CSMD1: variants seen among roughly 807,000 people sequenced by gnomAD.
The protein encoded by CSMD1 is CUB and sushi domain-containing protein 1.
Under a neutral mutation model 417.5 loss-of-function variants are expected in CSMD1, and 213 were observed. That is an observed-to-expected ratio of 0.51 (90% CI 0.46 to 0.57). The LOEUF is 0.57. Ranked by LOEUF, CSMD1 falls within the 20% of genes least tolerant of loss-of-function variation. CSMD1 has a pLI of 0.00. For missense variants in CSMD1, 6,923 were observed against 4,529.7 expected, an observed-to-expected ratio of 1.53 and a Z score of -15.17; for synonymous variants, 2,862 against 1,736.8, an observed-to-expected ratio of 1.65 and a Z score of -16.11.
At chr8:3,985,756 ATTTTT>A (rs11288801) in intron 5 of CSMD1, among the ~76,000 whole-genome samples, 3 of 142,372 alleles carry the variant, frequency 2.1e-5, no homozygotes, top group African/African-American at 7.8e-5. Flanking sequence ...TGTTAAAGTG[ATTTTT>A]TTTTTTTTTT....
At chr8:3,227,255 G>A (rs1201880372) in intron 27 of CSMD1, among the ~76,000 whole-genome samples, 1 of 151,974 alleles carries the variant, frequency 6.6e-6, no homozygotes, top group Admixed American at 6.6e-5. Context: ...AAAAAAATTA[G>A]CCGGGCTTGG....
At chr8:4,093,925 G>A (rs1302468145) in intron 3 of CSMD1, among the ~76,000 whole-genome samples, 1 of 151,866 alleles carries the variant, frequency 6.6e-6, no homozygotes, top group Non-Finnish European at 1.5e-5. Flanking sequence ...GCGCCATTAC[G>A]CTCCAACCTG....
intron 25 of CSMD1, among the ~76,000 whole-genome samples, chr8:3,295,929 CTT>C (rs925433005): frequency 6.6e-6 from 1 of 152,064 alleles, no homozygotes; most frequent in African/African-American, 2.4e-5. Context: ...CCTCGAGGAA[CTT>C]TGCATACATC....
chr8:4,986,616 C>G (rs1297408139), intron 1 of CSMD1, among the ~76,000 whole-genome samples: 2 of 151,858 alleles, frequency 1.3e-5, no homozygotes, highest in Non-Finnish European at 2.9e-5. Flanking sequence ...ATAATTCACT[C>G]GAACAGTATT....
At chr8:3,550,870 C>T (rs889175194) in intron 10 of CSMD1, among the ~76,000 whole-genome samples, 3 of 152,188 alleles carry the variant, frequency 2.0e-5, no homozygotes, top group Non-Finnish European at 4.4e-5. Flanking sequence ...TATGCATTCC[C>T]ATGTTGCCAA....
At chr8:4,994,290 A>AG in intron 1 of CSMD1, 42 bp downstream of exon 1, 1 of 1,581,012 alleles carries the variant, frequency 6.3e-7, no homozygotes, top group Non-Finnish European at 8.6e-7. Flanking sequence ...GGGGCCTCCG[A>AG]GGGCTCTACC....
At chr8:4,616,039 C>T (rs1801456667) in intron 2 of CSMD1, among the ~76,000 whole-genome samples, 2 of 152,114 alleles carry the variant, frequency 1.3e-5, no homozygotes, top group South Asian at 2.1e-4. Flanking sequence ...ATGAAATAAA[C>T]TTAGTTCTAC....
rs189985318 is a variant in CSMD1, at chr8:3,988,059, G to A, written c.818+9844C>T. ...TTAATAGATTTGGAAACACTACTGT[G>A]CCTAAAAACATAGGGAAGCTGTTGA... On this transcript the variant is annotated intron_variant, in intron 5 of 69. Coordinates refer to ENST00000635120, the MANE Select transcript of CSMD1 (RefSeq NM_033225.6). Among the ~76,000 whole-genome samples the A allele has an allele frequency of 1.3e-3, 201 of 152,310 alleles. 2 individuals are homozygous for A. The highest frequency in any genetic ancestry group is 4.6e-3 in the African/African-American group (192 of 41,584).
chr8:4,753,469 C>G lies in CSMD1; in HGVS notation c.86-115911G>C, dbSNP rs180757048. 2.0e-5 allele frequency among the ~76,000 whole-genome samples: 3 copies of G among 151,050 alleles called. No individual in the cohort carries two copies. The East Asian group carries it at 5.8e-4, about 29-fold the overall frequency. The stretch of plus-strand genomic sequence containing the variant: ...CACATGCGCACACACTCCTTTGTGT[C>G]TTATGAATTTTCCCCTCCATTCTTC... On this transcript the variant is annotated intron_variant, in intron 1 of 69. Transcript: ENST00000635120.
intron 50 of CSMD1, among the ~76,000 whole-genome samples, chr8:3,036,011 G>C (rs1012034813): frequency 3.9e-5 from 6 of 152,014 alleles, no homozygotes; most frequent in Non-Finnish European, 7.4e-5. Context: ...ACACATTTTT[G>C]TTCTAAAAAC....
At chr8:3,690,294 G>A (rs909419449) in intron 7 of CSMD1, among the ~76,000 whole-genome samples, 4 of 152,152 alleles carry the variant, frequency 2.6e-5, no homozygotes, top group African/African-American at 9.7e-5. Flanking sequence ...CCCAGGAGGT[G>A]GCAGTGACCG....
intron 5 of CSMD1, among the ~76,000 whole-genome samples, chr8:3,831,873 T>G (rs1431617194): frequency 6.6e-6 from 1 of 152,198 alleles, no homozygotes; most frequent in Admixed American, 6.5e-5. Context: ...TCTTTGTGAT[T>G]CAGGTCATAC....
intron 2 of CSMD1, among the ~76,000 whole-genome samples, chr8:4,434,605 C>A (rs1272522928): frequency 6.6e-6 from 1 of 152,150 alleles, no homozygotes; most frequent in Non-Finnish European, 1.5e-5. Context: ...GAAGCTAATC[C>A]AAAATTTCCA....
chr8:3,709,476 C>G (rs1043723064), intron 6 of CSMD1, among the ~76,000 whole-genome samples: 3 of 151,882 alleles, frequency 2.0e-5, no homozygotes, highest in African/African-American at 7.3e-5. Context: ...AGACATTGGG[C>G]CAGAGGAGAT....
intron 26 of CSMD1, among the ~76,000 whole-genome samples, chr8:3,238,081 C>A (rs1007515761): frequency 6.6e-6 from 1 of 151,400 alleles, no homozygotes; most frequent in Non-Finnish European, 1.5e-5. Context: ...GGGCTGAGTC[C>A]GAAAAGAGAG....
chr8:3,358,395 T>C (rs533897128), intron 21 of CSMD1, among the ~76,000 whole-genome samples: 18 of 152,212 alleles, frequency 1.2e-4, no homozygotes, highest in Non-Finnish European at 2.5e-4. Flanking sequence ...GTTGTCCGTA[T>C]AGCTAACTAC....
At chr8:4,077,144 A>C (rs1053073568) in intron 3 of CSMD1, among the ~76,000 whole-genome samples, 60 of 151,712 alleles carry the variant, frequency 4.0e-4, no homozygotes, top group African/African-American at 1.4e-3. Context: ...AAGAAAGTTA[A>C]ATGACGCATC....
chr8:3,818,743 T>C (rs1007500739), intron 5 of CSMD1, among the ~76,000 whole-genome samples: 1 of 152,130 alleles, frequency 6.6e-6, no homozygotes, highest in Non-Finnish European at 1.5e-5. Context: ...TTGATCAAGA[T>C]AGACAGATGG....
intron 5 of CSMD1, among the ~76,000 whole-genome samples, chr8:3,830,032 A>C (rs1396515780): frequency 1.3e-5 from 2 of 152,032 alleles, no homozygotes; most frequent in Non-Finnish European, 1.5e-5. Context: ...TTCAGGTCTA[A>C]CTCTTCTAAT....
Sources: gnomAD v4.1 joint callset for allele counts (sites outside exome capture counted in the v4.1 genomes callset) on GRCh38, gnomAD v4.1.1 for gene constraint, MANE v1.5 for transcripts, NCBI Gene and HGNC (gene_info 2026-07-23, HGNC 2026-07-21) for gene names.